DDX52: variants seen among roughly 807,000 people sequenced by gnomAD.
DDX52 encodes probable ATP-dependent RNA helicase DDX52.
DDX52 carries 59 observed loss-of-function variants against 76.1 expected under a neutral mutation model. The observed-to-expected ratio is 0.78, with a 90% CI of 0.63 to 0.96. The LOEUF (loss-of-function observed/expected upper bound fraction) is 0.96, where lower values mean the gene tolerates loss of function less well. DDX52 is among the 40% of genes least tolerant of loss of function. The pLI, the probability that DDX52 is intolerant of heterozygous loss-of-function variation, is 0.00. For missense variants in DDX52, 707 were observed against 703.9 expected, an observed-to-expected ratio of 1.00 and a Z score of -0.05; for synonymous variants, 231 against 244.1, an observed-to-expected ratio of 0.95 and a Z score of 0.50.
intron 9 of DDX52, among the ~76,000 whole-genome samples, chr17:37,623,474 C>T (rs1225304295): frequency 6.6e-6 from 1 of 152,042 alleles, no homozygotes; most frequent in Non-Finnish European, 1.5e-5. Flanking sequence ...ATATCCTGAC[C>T]CCAGCTTTCC....
chr17:37,624,212 T>C (rs2030245934), intron 9 of DDX52, 132 bp downstream of exon 9: 1 of 561,042 alleles, frequency 1.8e-6, no homozygotes, highest in Non-Finnish European at 3.1e-6. Flanking sequence ...TACTTTCTTA[T>C]CAATTTACCA....
Position 37,626,871 on chromosome 17 carries a change from A to C in DDX52, c.860-11T>G, listed in dbSNP as rs1216571070. ...TAGTCACAAGAATATCTATAGGAAA[A>C]ACAAATGGTAGAAATTGCAAAAACA... On this transcript the variant is annotated splice_polypyrimidine_tract_variant and intron_variant, in intron 6 of 14. Transcript: ENST00000617633. 5.6e-6 allele frequency: 9 copies of C among 1,603,328 alleles called. No homozygotes were observed. The Admixed American group carries it at 1.6e-4, about 28-fold the overall frequency.
intron 14 of DDX52, among the ~76,000 whole-genome samples, chr17:37,616,029 T>C (rs1436591552): frequency 6.6e-6 from 1 of 152,164 alleles, no homozygotes; most frequent in African/African-American, 2.4e-5. Context: ...CAAATCAGCA[T>C]TTAAAGTATA....
chr17:37,641,628 TCAGGAGGCTGAGG>T (rs1305449453), intron 2 of DDX52, among the ~76,000 whole-genome samples: 1 of 151,698 alleles, frequency 6.6e-6, no homozygotes, highest in African/African-American at 2.4e-5. Flanking sequence ...TCCCAGCTAC[TCAGGAGGCTGAGG>T]CAGGAGAATT....
chr17:37,621,003 A>T, intron 11 of DDX52, 55 bp from the exon 12 acceptor site: 2 of 1,563,542 alleles, frequency 1.3e-6, no homozygotes, highest in Non-Finnish European at 1.7e-6. Context: ...AGGCTCTCAA[A>T]ATTCATTTAT....
chr17:37,642,626 C>A, intron 1 of DDX52: 1 of 297,974 alleles, frequency 3.4e-6, no homozygotes, highest in Non-Finnish European at 6.2e-6. Flanking sequence ...CCAAGGCATT[C>A]GGAAATTAAG....
chr17:37,620,559 A>G, intron 12 of DDX52: 1 of 229,794 alleles, frequency 4.4e-6, no homozygotes, highest in Non-Finnish European at 8.3e-6. Flanking sequence ...ACCAAAAATT[A>G]CTATAGGCAG....
At chr17:37,635,525 T>C (rs1233797446) in intron 2 of DDX52, 4 of 447,382 alleles carry the variant, frequency 8.9e-6, no homozygotes, top group East Asian at 7.1e-5. Context: ...AATTCACCTA[T>C]GTTGCACCAT....
chr17:37,619,857 A>T lies in DDX52; in HGVS notation c.1578-18T>A. 1 of 1,611,312 alleles carries T rather than the reference A, an allele frequency of 6.2e-7. No homozygotes were observed. The highest frequency in any genetic ancestry group is 8.5e-7 in the Non-Finnish European group (1 of 1,179,066). On this transcript the variant is annotated intron_variant, in intron 12 of 14. Transcript: ENST00000617633. The stretch of plus-strand genomic sequence containing the variant: ...TAGCAACGCTGAAAAAGAAACCCAT[A>T]AACATAAACTTGTATCTTTGCTAAA...
intron 7 of DDX52, 113 bp from the exon 8 acceptor site, chr17:37,626,211 G>A: frequency 1.8e-6 from 2 of 1,124,326 alleles, no homozygotes; most frequent in Middle Eastern, 2.2e-4. Context: ...CTGCTTCTCA[G>A]ATCCACTTTA....
rs1219182443 is a variant in DDX52 at position 37,628,565 on chromosome 17, C to T, written c.855G>A (p.Lys285=). 2.5e-6 allele frequency: 4 copies of T among 1,611,456 alleles called. No homozygotes were observed. The highest frequency in any genetic ancestry group is 1.7e-5 in the Admixed American group (1 of 59,602). The stretch of plus-strand genomic sequence containing the variant: ...TCCCATGTATGAATTCCTTACCAAA[C>T]TTTTTAGATGATTTAGGTCCAAATT... ...AKKFGPKSSK[K]FDILVTTPNR... Residue 285 remains lysine, a synonymous_variant, in exon 6 of 15, where the codon AAG becomes AAA. Transcript: ENST00000617633.
At chr17:37,626,315 G>A (rs1289034027) in intron 7 of DDX52, among the ~76,000 whole-genome samples, 2 of 152,056 alleles carry the variant, frequency 1.3e-5, no homozygotes, top group East Asian at 1.9e-4. Context: ...TAATCCTCAC[G>A]TGTTGAGGGA....
At chr17:37,620,530 G>T in intron 12 of DDX52, 1 of 197,968 alleles carries the variant, frequency 5.1e-6, no homozygotes. Context: ...CTAGAAATGT[G>T]AAGTGTTAAT....
rs1338120564 is a variant in DDX52, at chr17:37,618,316, A to G, written c.1718T>C (p.Phe573Ser). ...RESISTTPKCFLEKAKDKQKK... is the reference protein window; with the variant it reads ...RESISTTPKCSLEKAKDKQKK... The stretch of plus-strand genomic sequence containing the variant: ...CTGTTTATCCTTAGCTTTTTCTAAG[A>G]AACATTTTGGAGTTGTACTAATGCT... Residue 573 changes from phenylalanine to serine, a missense_variant, in exon 14 of 15, where the codon TTC (phenylalanine) becomes TCC (serine). Phe to Ser is a radical substitution (Grantham distance 155, BLOSUM62 -2). Coordinates refer to ENST00000617633, the MANE Select transcript of DDX52 (RefSeq NM_007010.5). The G allele has an allele frequency of 1.3e-6, 2 of 1,598,628 alleles. No homozygotes were observed. Among genetic ancestry groups the G allele is most frequent in the Non-Finnish European group, 1.7e-6 (2 of 1,176,106 alleles).
At chr17:37,626,937 T>C in intron 6 of DDX52, 77 bp from the exon 7 acceptor site, 1 of 1,189,842 alleles carries the variant, frequency 8.4e-7, no homozygotes, top group Non-Finnish European at 1.2e-6. Flanking sequence ...CCTCCTCAAC[T>C]TCAGTTAATA....
At chr17:37,637,456 GC>G in intron 2 of DDX52, among the ~76,000 whole-genome samples, 1 of 151,890 alleles carries the variant, frequency 6.6e-6, no homozygotes, top group East Asian at 1.9e-4. Context: ...ATGGAGTCTT[GC>G]TATGTTGCCC....
At position 37,628,602 on chromosome 17, in the gene DDX52, A is replaced by G. The variant is rs1342454100; in HGVS notation, c.818T>C (p.Val273Ala). 1.2e-6 allele frequency: 2 copies of G among 1,612,810 alleles called. No homozygotes were observed. Among genetic ancestry groups the G allele is most frequent in the African/African-American group, 2.7e-5 (2 of 74,892 alleles). The change falls in exon 6 of 15, where the codon GTG becomes GCG. Residue 273 changes from valine to alanine, a missense_variant. Val to Ala is a moderately conservative substitution (Grantham distance 64). Coordinates refer to ENST00000617633, the MANE Select transcript of DDX52 (RefSeq NM_007010.5). ...TTTAGGTCCAAATTTCTTGGCTGCC[A>G]CTGCTGCTTTGTGGATCATGTGTAT... ...FRIHMIHKAAVAAKKFGPKSS... is the reference protein window; with the variant it reads ...FRIHMIHKAAAAAKKFGPKSS...
chr17:37,630,268 T>C (rs2030613080), intron 4 of DDX52, 95 bp from the exon 5 acceptor site: 1 of 1,244,956 alleles, frequency 8.0e-7, no homozygotes, highest in African/African-American at 1.5e-5. Flanking sequence ...AAAAAACAAA[T>C]ACAATTTTAC....
intron 2 of DDX52, among the ~76,000 whole-genome samples, chr17:37,641,645 G>A (rs1298012798): frequency 2.0e-5 from 3 of 151,926 alleles, no homozygotes; most frequent in Non-Finnish European, 4.4e-5. Flanking sequence ...GCTGAGGCAG[G>A]AGAATTGCTT....
Sources: allele counts gnomAD v4.1 joint callset (sites outside exome capture counted in the v4.1 genomes callset), GRCh38; gene constraint gnomAD v4.1.1; transcripts MANE v1.5; gene names NCBI Gene and HGNC (gene_info 2026-07-23, HGNC 2026-07-21).